CEP170: variants seen among roughly 807,000 people sequenced by gnomAD.
The protein encoded by CEP170 is centrosomal protein 170.
Under a neutral mutation model 151.9 loss-of-function variants are expected in CEP170, and 21 were observed. The observed-to-expected ratio is 0.14, with a 90% CI of 0.10 to 0.20. The LOEUF (loss-of-function observed/expected upper bound fraction) is 0.20, where lower values mean the gene tolerates loss of function less well. Among genes scored for constraint, CEP170 ranks in the 10% least tolerant of loss-of-function variants. The probability of loss-of-function intolerance (pLI) is 1.00; values close to 1 mark genes in which losing one functional copy is unlikely to be tolerated. For synonymous variants in CEP170, 356 were observed against 648.8 expected, an observed-to-expected ratio of 0.55 and a Z score of 6.86; for missense variants, 964 against 1,892.9, an observed-to-expected ratio of 0.51 and a Z score of 9.11.
intron 8 of CEP170, among the ~76,000 whole-genome samples, chr1:243,187,863 A>G (rs2060035669): frequency 6.6e-6 from 1 of 152,190 alleles, no homozygotes; most frequent in African/African-American, 2.4e-5. Context: ...AGTAATAGGC[A>G]AGGGAAACAA....
At chr1:243,253,519 A>T (rs1349585755) in intron 1 of CEP170, among the ~76,000 whole-genome samples, 1 of 152,214 alleles carries the variant, frequency 6.6e-6, no homozygotes, top group East Asian at 1.9e-4. Context: ...GTTATCTACA[A>T]AGTTAGGAAG....
chr1:243,146,264 A>C lies in CEP170; in HGVS notation c.3912-3801T>G, dbSNP rs576623777. On this transcript the variant is annotated intron_variant, in intron 14 of 19. Coordinates refer to ENST00000366542, the MANE Select transcript of CEP170 (RefSeq NM_014812.3). ...CAAATATGGTCAGCGATTCATAAAA[A>C]AGTATGATTTATAATAGGATGCACC... Among the ~76,000 whole-genome samples the C allele has an allele frequency of 1.6e-3, 246 of 152,326 alleles. 1 individual carries two copies. Among genetic ancestry groups the C allele is most frequent in the Non-Finnish European group, 2.1e-3 (146 of 68,026 alleles).
chr1:243,239,820 G>A (rs1159012776), intron 1 of CEP170, among the ~76,000 whole-genome samples: 1 of 152,140 alleles, frequency 6.6e-6, no homozygotes, highest in African/African-American at 2.4e-5. Flanking sequence ...CTTATAAACT[G>A]AGTTGCTTGA....
intron 13 of CEP170, among the ~76,000 whole-genome samples, chr1:243,160,751 T>C (rs1268711380): frequency 6.6e-6 from 1 of 152,246 alleles, no homozygotes; most frequent in Non-Finnish European, 1.5e-5. Flanking sequence ...GACAATGCTC[T>C]GTTTTGTCCT....
chr1:243,169,314 T>G (rs2058663420), intron 12 of CEP170: 3 of 247,084 alleles, frequency 1.2e-5, no homozygotes, highest in African/African-American at 6.9e-5. Flanking sequence ...AGTCTCAACT[T>G]ACGAAGTCCA....
chr1:243,219,732 C>T (rs938040700), intron 3 of CEP170, among the ~76,000 whole-genome samples: 10 of 152,148 alleles, frequency 6.6e-5, no homozygotes, highest in African/African-American at 2.2e-4. Flanking sequence ...TCAAAATGTT[C>T]CACATATAGA....
At chr1:243,253,367 C>T (rs1422745643) in intron 1 of CEP170, 1 of 152,152 alleles carries the variant, frequency 6.6e-6, no homozygotes, top group African/African-American at 2.4e-5. Context: ...GCTAGGGGGA[C>T]ACAGGAAAGA....
intron 1 of CEP170, among the ~76,000 whole-genome samples, chr1:243,245,025 A>T (rs1211941040): frequency 6.6e-6 from 1 of 152,162 alleles, no homozygotes; most frequent in Non-Finnish European, 1.5e-5. Context: ...ATCTGGGAAA[A>T]AATTTTACAG....
chr1:243,140,071 G>C lies in CEP170; in HGVS notation c.4096C>G (p.Arg1366Gly). Residue 1366 changes from arginine to glycine, a missense_variant, in exon 16 of 20, where the codon CGA becomes GGA. Coordinates refer to ENST00000366542, the MANE Select transcript of CEP170 (RefSeq NM_014812.3). The stretch of plus-strand genomic sequence containing the variant: ...GAATGAACTAATGGAGGAATCTTTC[G>C]GAAGTTGAGGCTTTCATCAAAAACA... ...DRVFDESLNF[R>G]KIPPLVHSKT... 6.2e-7 allele frequency: 1 copy of C among 1,613,794 alleles called. No homozygotes were observed. The highest frequency in any genetic ancestry group is 1.1e-5 in the South Asian group (1 of 91,052).
intron 4 of CEP170, among the ~76,000 whole-genome samples, chr1:243,203,251 T>C (rs531028177): frequency 6.6e-6 from 1 of 152,332 alleles, no homozygotes; most frequent in East Asian, 1.9e-4. Context: ...TAACGCATGA[T>C]ATCAGTAAGT....
chr1:243,153,787 A>G (rs1225909892), intron 14 of CEP170, among the ~76,000 whole-genome samples: 1 of 152,184 alleles, frequency 6.6e-6, no homozygotes, highest in Non-Finnish European at 1.5e-5. Flanking sequence ...CTGAAACCAA[A>G]CCTGTACTAT....
intron 10 of CEP170, among the ~76,000 whole-genome samples, chr1:243,178,447 A>T (rs2059399069): frequency 6.6e-6 from 1 of 152,104 alleles, no homozygotes. Context: ...TTTATACAAA[A>T]TGTCTAGAAT....
At chr1:243,173,873 A>T (rs1324319001) in intron 10 of CEP170, among the ~76,000 whole-genome samples, 1 of 152,190 alleles carries the variant, frequency 6.6e-6, no homozygotes, top group Non-Finnish European at 1.5e-5. Context: ...AACCATAAAC[A>T]TGTGGCTGAT....
rs1412007107 is a variant in CEP170 at position 243,172,710 on chromosome 1, A to C, written c.1703T>G (p.Phe568Cys). The change falls in exon 11 of 20, where the codon TTT becomes TGT. Residue 568 changes from phenylalanine (F) to cysteine (C), a missense_variant. Coordinates refer to ENST00000366542, the MANE Select transcript of CEP170 (RefSeq NM_014812.3). Reference protein sequence around the residue: ...EERKPLTTSGFHHSEEGTSSS... With the variant: ...EERKPLTTSGCHHSEEGTSSS... ...AGAGATGTATACCTCTGAGTGGTGA[A>C]ATCCAGATGTAGTCAGTGGTTTTCT... 6.3e-7 allele frequency: 1 copy of C among 1,592,440 alleles called. No individual in the cohort carries two copies. Among genetic ancestry groups the C allele is most frequent in the Non-Finnish European group, 8.5e-7 (1 of 1,169,818 alleles).
chr1:243,186,739 T>C (rs1214805100), intron 8 of CEP170, among the ~76,000 whole-genome samples: 1 of 152,166 alleles, frequency 6.6e-6, no homozygotes, highest in Non-Finnish European at 1.5e-5. Context: ...CTAACATCAA[T>C]AAACATTAAT....
chr1:243,210,608 ATTTTTTTTTTTTT>A (rs751388751), intron 4 of CEP170, among the ~76,000 whole-genome samples: 1 of 67,942 alleles, frequency 1.5e-5, no homozygotes. Context: ...ATTTTTCGTA[ATTTTTTTTTTTTT>A]TTTTTTTTTT....
intron 1 of CEP170, among the ~76,000 whole-genome samples, chr1:243,252,082 T>G (rs922152568): frequency 6.6e-6 from 1 of 152,192 alleles, no homozygotes; most frequent in East Asian, 1.9e-4. Flanking sequence ...GAAATAAAGA[T>G]ATTTCTTCCC....
rs2053635337 is a variant in CEP170 at position 243,125,616 on chromosome 1, A to C, written c.*833T>G. On this transcript the variant is annotated 3_prime_UTR_variant, in exon 20 of 20. Transcript: ENST00000366542. ...TCTGTCTAGTTTAATCTTTCTAGTT[A>C]TCATTTAACCTAAAATGAGAGACCA... 1.3e-5 allele frequency: 2 copies of C among 155,432 alleles called. No individual in the cohort carries two copies. The highest frequency in any genetic ancestry group is 1.9e-4 in the East Asian group (1 of 5,242). The allele number at this position is 155,432 out of a possible 1,614,324, so 9.6% of individuals were successfully genotyped here.
At chr1:243,175,854 T>C (rs534844034) in intron 10 of CEP170, among the ~76,000 whole-genome samples, 1 of 152,200 alleles carries the variant, frequency 6.6e-6, no homozygotes, top group Non-Finnish European at 1.5e-5. Context: ...CGGAGTGCAG[T>C]GGCGCGATCT....
Sources: allele counts gnomAD v4.1 joint callset (sites outside exome capture counted in the v4.1 genomes callset), GRCh38; gene constraint gnomAD v4.1.1; transcripts MANE v1.5; gene names NCBI Gene and HGNC (gene_info 2026-07-23, HGNC 2026-07-21).